STXBP4: variants seen among roughly 807,000 people sequenced by gnomAD.
STXBP4 encodes the protein syntaxin-binding protein 4.
Under a neutral mutation model 76.1 loss-of-function variants are expected in STXBP4, and 55 were observed. The observed-to-expected ratio is 0.72, with a 90% CI of 0.58 to 0.91. The LOEUF (loss-of-function observed/expected upper bound fraction) is 0.91. Among genes scored for constraint, STXBP4 ranks in the 40% least tolerant of loss-of-function variants. STXBP4 has a pLI of 0.00. For missense variants in STXBP4, 618 were observed against 636.9 expected (o/e 0.97, Z 0.32); for synonymous variants, 201 against 220.2 (o/e 0.91, Z 0.77).
At chr17:55,009,877 T>A (rs2144557137) in intron 8 of STXBP4, among the ~76,000 whole-genome samples, 1 of 152,132 alleles carries the variant, frequency 6.6e-6, no homozygotes, top group African/African-American at 2.4e-5. Context: ...CTATTACTTG[T>A]TTTGCACATA....
the STXBP4 span, among the ~76,000 whole-genome samples, chr17:55,209,355 C>G: frequency 6.6e-6 from 1 of 152,020 alleles, no homozygotes; most frequent in Non-Finnish European, 1.5e-5. Context: ...TGTGCTAGAA[C>G]CAGGTCAGAG....
chr17:55,072,432 G>A (rs925996961), intron 12 of STXBP4, among the ~76,000 whole-genome samples: 1 of 152,060 alleles, frequency 6.6e-6, no homozygotes, highest in Non-Finnish European at 1.5e-5. Context: ...ATAGATTGAC[G>A]TCCATGAGAT....
chr17:55,159,065 T>C (rs1300782182), intron 17 of STXBP4, among the ~76,000 whole-genome samples: 1 of 152,088 alleles, frequency 6.6e-6, no homozygotes, highest in Non-Finnish European at 1.5e-5. Flanking sequence ...GCCAACATGG[T>C]GAAACCCTAT....
intron 13 of STXBP4, among the ~76,000 whole-genome samples, chr17:55,074,675 A>G (rs2079159101): frequency 6.6e-6 from 1 of 152,050 alleles, no homozygotes; most frequent in Non-Finnish European, 1.5e-5. Context: ...CTCTTAACTG[A>G]GAAACATTTT....
downstream of STXBP4, among the ~76,000 whole-genome samples, chr17:55,177,033 C>A (rs1030080302): frequency 6.6e-6 from 1 of 152,104 alleles, no homozygotes. Flanking sequence ...CCAAATTACA[C>A]CCCTGCTTTC....
chr17:55,065,907 G>C (rs1385569618), intron 12 of STXBP4, among the ~76,000 whole-genome samples: 3 of 152,140 alleles, frequency 2.0e-5, no homozygotes, highest in Non-Finnish European at 4.4e-5. Flanking sequence ...GAAAGCTCTT[G>C]GGAGGGTTAA....
At chr17:55,125,113 G>A (rs1465880488) in intron 16 of STXBP4, among the ~76,000 whole-genome samples, 8 of 152,188 alleles carry the variant, frequency 5.3e-5, no homozygotes, top group Non-Finnish European at 1.2e-4. Context: ...TAAGCAGGTG[G>A]TAATTAATCA....
At chr17:55,040,807 A>T (rs1031029801) in intron 10 of STXBP4, among the ~76,000 whole-genome samples, 1 of 152,186 alleles carries the variant, frequency 6.6e-6, no homozygotes, top group Non-Finnish European at 1.5e-5. Flanking sequence ...AAGGTTAAGG[A>T]ATATAAATTT....
In STXBP4 at chr17:55,168,008, TATC is replaced by T. The variant is rs1471324723; in HGVS notation, c.*8100_*8102del. On this transcript the variant is annotated 3_prime_UTR_variant, in exon 18 of 18. Transcript: ENST00000376352. ...CAGATTCTATTTCTTTAGGCAGTTT[TATC>T]ATTCAGAGAAGTAATCTATGCATTT... 2 of 152,206 alleles carry T rather than the reference TATC, an allele frequency of 1.3e-5. No individual in the cohort carries two copies. The highest frequency in any genetic ancestry group is 2.4e-5 in the African/African-American group (1 of 41,468). The allele number at this position is 152,206 out of a possible 1,614,324, so 9.4% of individuals were successfully genotyped here.
rs2080334850 is a variant in STXBP4 at position 55,161,306 on chromosome 17, G to C, written c.*1395G>C. 1 of 152,186 alleles carries C rather than the reference G, an allele frequency of 6.6e-6. No homozygotes were observed. The highest frequency in any genetic ancestry group is 1.5e-5 in the Non-Finnish European group (1 of 68,030). The allele number at this position is 152,186 out of a possible 1,614,324, so 9.4% of individuals were successfully genotyped here. A position where few individuals can be genotyped will look rare whatever the true frequency, so the allele number is the denominator to read the frequency against. ...GTCATTAGCCATGAGAAATGTTTCAGGATGGCTAGGGAAGACTTGTGTTTT... is the reference window on the plus strand; with the variant it reads ...GTCATTAGCCATGAGAAATGTTTCACGATGGCTAGGGAAGACTTGTGTTTT... On this transcript the variant is annotated 3_prime_UTR_variant, in exon 18 of 18. Coordinates refer to ENST00000376352, the MANE Select transcript of STXBP4 (RefSeq NM_178509.6).
chr17:55,060,662 A>T (rs2078984687), intron 12 of STXBP4, among the ~76,000 whole-genome samples: 1 of 152,198 alleles, frequency 6.6e-6, no homozygotes, highest in Non-Finnish European at 1.5e-5. Flanking sequence ...AATTGGCTGT[A>T]CTGTTCTCTA....
chr17:55,026,872 C>T (rs933653976), intron 8 of STXBP4, among the ~76,000 whole-genome samples: 6 of 152,150 alleles, frequency 3.9e-5, no homozygotes, highest in African/African-American at 1.4e-4. Context: ...GCTGCGGCCT[C>T]AGGCAGAGGA....
intron 16 of STXBP4, among the ~76,000 whole-genome samples, chr17:55,107,568 C>T (rs190192180): frequency 9.9e-5 from 15 of 151,840 alleles, no homozygotes; most frequent in African/African-American, 3.4e-4. Flanking sequence ...TCCACGTCTT[C>T]GTTTGATGTT....
chr17:55,017,587 C>T (rs562264342), intron 8 of STXBP4, among the ~76,000 whole-genome samples: 3 of 152,238 alleles, frequency 2.0e-5, no homozygotes, highest in Admixed American at 1.3e-4. Flanking sequence ...AAGTCGTGGT[C>T]GGGACCCAGG....
chr17:55,015,046 C>T (rs1385454933), intron 8 of STXBP4, among the ~76,000 whole-genome samples: 1 of 152,008 alleles, frequency 6.6e-6, no homozygotes, highest in African/African-American at 2.4e-5. Flanking sequence ...GAAGTTTTTT[C>T]TAATGTCTGC....
intron 17 of STXBP4, among the ~76,000 whole-genome samples, chr17:55,144,853 C>T (rs2080134980): frequency 6.6e-6 from 1 of 152,182 alleles, no homozygotes; most frequent in Admixed American, 6.5e-5. Flanking sequence ...AATAAAATAG[C>T]TAAACCTTAG....
chr17:55,095,440 G>A (rs1239193179), intron 16 of STXBP4, among the ~76,000 whole-genome samples: 2 of 152,168 alleles, frequency 1.3e-5, no homozygotes, highest in African/African-American at 4.8e-5. Context: ...TTTTGGGTTA[G>A]TGGAATAGGT....
intron 12 of STXBP4, 38 bp downstream of exon 12, chr17:55,047,192 G>GTGTGTT: frequency 1.3e-6 from 1 of 762,314 alleles, no homozygotes; most frequent in South Asian, 2.1e-5. Context: ...GCTCGTGTGT[G>GTGTGTT]TGTGTGTGTG....
chr17:55,074,876 G>T (rs1418348901), intron 13 of STXBP4, among the ~76,000 whole-genome samples: 2 of 151,352 alleles, frequency 1.3e-5, no homozygotes, highest in East Asian at 3.9e-4. Context: ...CCCAATATCA[G>T]TGGAAAAAAA....
Sources: gnomAD v4.1 joint callset for allele counts (sites outside exome capture counted in the v4.1 genomes callset) on GRCh38, gnomAD v4.1.1 for gene constraint, MANE v1.5 for transcripts, NCBI Gene and HGNC (gene_info 2026-07-23, HGNC 2026-07-21) for gene names.